EIF4G3: variants seen among roughly 807,000 people sequenced by gnomAD.
The protein encoded by EIF4G3 is eIF-4-gamma 3.
In EIF4G3, 34 loss-of-function variants were observed where a neutral mutation model predicts 186.4. The observed-to-expected ratio is 0.18, with a 90% CI of 0.14 to 0.24. EIF4G3 has a LOEUF of 0.24. EIF4G3 is among the 10% of genes least tolerant of loss of function. EIF4G3 has a pLI of 1.00. For synonymous variants in EIF4G3, 673 were observed against 679.5 expected, an observed-to-expected ratio of 0.99 and a Z score of 0.15; for missense variants, 1,536 against 1,948.5, an observed-to-expected ratio of 0.79 and a Z score of 3.99.
intron 4 of EIF4G3, among the ~76,000 whole-genome samples, chr1:21,040,469 T>C (rs1571512417): frequency 6.6e-6 from 1 of 152,142 alleles, no homozygotes; most frequent in Non-Finnish European, 1.5e-5. Flanking sequence ...CCAGCAAATT[T>C]ATCAAACCCA....
intron 14 of EIF4G3, among the ~76,000 whole-genome samples, chr1:20,906,228 G>A (rs1307800997): frequency 6.6e-6 from 1 of 152,064 alleles, no homozygotes; most frequent in Non-Finnish European, 1.5e-5. Flanking sequence ...CCATGGGTGG[G>A]TTTAAATTTG....
intron 7 of EIF4G3, among the ~76,000 whole-genome samples, chr1:20,996,093 T>C (rs2082232248): frequency 6.6e-6 from 1 of 152,188 alleles, no homozygotes; most frequent in South Asian, 2.1e-4. Context: ...CATAAGAAAC[T>C]AATATTTTTA....
chr1:21,075,676 A>G (rs1245217717), intron 3 of EIF4G3, among the ~76,000 whole-genome samples: 1 of 151,136 alleles, frequency 6.6e-6, no homozygotes, highest in East Asian at 1.9e-4. Context: ...AGTAGTAGCT[A>G]TACTACTCCT....
chr1:21,100,061 G>A (rs999074797), intron 2 of EIF4G3, among the ~76,000 whole-genome samples: 5 of 152,092 alleles, frequency 3.3e-5, no homozygotes, highest in African/African-American at 9.7e-5. Context: ...TGTACATTAC[G>A]GATAAACCTT....
intron 30 of EIF4G3, among the ~76,000 whole-genome samples, chr1:20,840,356 G>C (rs1296339862): frequency 6.6e-6 from 1 of 152,154 alleles, no homozygotes; most frequent in African/African-American, 2.4e-5. Context: ...ACCTGAAATA[G>C]ACTAAATCAT....
rs891961486 is a variant in EIF4G3, at chr1:20,892,780, T to C, written c.2253+737A>G. 284 of 1,282,628 alleles carry C rather than the reference T, an allele frequency of 2.2e-4. 3 individuals are homozygous for C. Among genetic ancestry groups the C allele is most frequent in the South Asian group, 8.3e-4 (63 of 75,942 alleles). The allele number at this position is 1,282,628 out of a possible 1,614,324, so 79.5% of individuals were successfully genotyped here. On this transcript the variant is annotated intron_variant, in intron 18 of 36. Transcript: ENST00000602326. ...ATCATTAGCTGAATGTCATCAGAGA[T>C]CTCCAGTATTTTAGGACACCTCAAA...
At chr1:21,002,844 A>T in intron 4 of EIF4G3, 36 bp from the exon 5 acceptor site, 1 of 1,221,708 alleles carries the variant, frequency 8.2e-7, no homozygotes, top group Non-Finnish European at 1.2e-6. Context: ...TAATATTTTG[A>T]AAAAATATGG....
Position 21,109,414 on chromosome 1 carries a change from G to C in EIF4G3, c.-271-20201C>G, listed in dbSNP as rs150868687. On this transcript the variant is annotated intron_variant, in intron 2 of 36. Coordinates refer to ENST00000602326, the MANE Select transcript of EIF4G3 (RefSeq NM_001391906.1). ...AATCCTAACACTTTGGGAGGCTGAAGCAGGAGGATCGCTTGAGCCCAGGAG... is the reference window on the plus strand; with the variant it reads ...AATCCTAACACTTTGGGAGGCTGAACCAGGAGGATCGCTTGAGCCCAGGAG... Among the ~76,000 whole-genome samples the C allele has an allele frequency of 6.9e-3, 1,044 of 152,302 alleles. 13 individuals are homozygous for C. Among genetic ancestry groups the C allele is most frequent in the African/African-American group, 0.023 (962 of 41,564 alleles).
At position 21,165,498 on chromosome 1, in the gene EIF4G3, T is replaced by C. The variant is rs144403145; in HGVS notation, c.-272+10677A>G. On this transcript the variant is annotated intron_variant, in intron 2 of 36. Coordinates refer to ENST00000602326, the MANE Select transcript of EIF4G3 (RefSeq NM_001391906.1). ...ATGTCCATGGTACATGGAATATTACTCAATAATTTTAAAAATGAAGTGCTA... is the reference window on the plus strand; with the variant it reads ...ATGTCCATGGTACATGGAATATTACCCAATAATTTTAAAAATGAAGTGCTA... 5.5e-3 allele frequency among the ~76,000 whole-genome samples: 838 copies of C among 152,296 alleles called. 8 individuals carry two copies. The highest frequency in any genetic ancestry group is 0.019 in the African/African-American group (807 of 41,566).
intron 19 of EIF4G3, among the ~76,000 whole-genome samples, chr1:20,883,081 CA>C (rs397862225): frequency 0.043 from 4,310 of 100,954 alleles, 71 homozygotes; most frequent in Middle Eastern, 0.077. Flanking sequence ...AACCCTGTCT[CA>C]AAAAAAAAAA....
At chr1:20,939,687 T>C (rs1053826975) in intron 14 of EIF4G3, among the ~76,000 whole-genome samples, 1 of 152,180 alleles carries the variant, frequency 6.6e-6, no homozygotes, top group Non-Finnish European at 1.5e-5. Context: ...TTTTACATTT[T>C]AAAAACATTT....
At chr1:20,827,185 T>C (rs914734383) in intron 32 of EIF4G3, among the ~76,000 whole-genome samples, 4 of 152,168 alleles carry the variant, frequency 2.6e-5, no homozygotes, top group Non-Finnish European at 5.9e-5. Context: ...TCCCCAAACC[T>C]CTTAGACTTC....
chr1:20,882,207 ACACACAC>A (rs760317751), intron 19 of EIF4G3, among the ~76,000 whole-genome samples: 51,535 of 149,126 alleles, frequency 0.35, 9,666 homozygotes, highest in Middle Eastern at 0.46. Context: ...ACACACACAC[ACACACAC>A]AAAATCATTT....
chr1:21,162,448 TA>T (rs149741247), intron 2 of EIF4G3, among the ~76,000 whole-genome samples: 160 of 125,160 alleles, frequency 1.3e-3, no homozygotes, highest in East Asian at 3.3e-3. Flanking sequence ...GACATCATCT[TA>T]AAAAAAAAAA....
intron 18 of EIF4G3, 178 bp downstream of exon 18, chr1:20,893,339 A>C (rs2086781358): frequency 3.3e-6 from 2 of 599,340 alleles, no homozygotes; most frequent in Admixed American, 8.1e-5. Flanking sequence ...CCAAGTAAAA[A>C]GAACTCAAGT....
At chr1:21,036,592 T>C (rs955860742) in intron 4 of EIF4G3, among the ~76,000 whole-genome samples, 1 of 152,164 alleles carries the variant, frequency 6.6e-6, no homozygotes, top group Non-Finnish European at 1.5e-5. Flanking sequence ...TAAATGCTTA[T>C]TTGTGGGCTG....
At position 20,980,442 on chromosome 1, in the gene EIF4G3, G is replaced by T; in HGVS notation, c.385C>A (p.His129Asn). 6.5e-7 allele frequency: 1 copy of T among 1,546,476 alleles called. No homozygotes were observed. Among genetic ancestry groups the T allele is most frequent in the South Asian group, 1.2e-5 (1 of 81,622 alleles). ...GPQYCIPQYR[H>N]SGPPYVGPPQ... ...GGCCCAACATAAGGAGGGCCACTAT[G>T]ACGGTACTAGAAAAGAGAAAGTATG... The change falls in exon 10 of 37, where the codon CAT becomes AAT. Residue 129 changes from histidine (H) to asparagine (N), a missense_variant. Transcript: ENST00000602326.
At chr1:21,036,941 C>G (rs2093257202) in intron 4 of EIF4G3, among the ~76,000 whole-genome samples, 2 of 152,208 alleles carry the variant, frequency 1.3e-5, no homozygotes, top group African/African-American at 4.8e-5. Context: ...TCATACTAAA[C>G]AATGAGATCA....
At chr1:21,020,722 T>C (rs79484271) in intron 4 of EIF4G3, among the ~76,000 whole-genome samples, 4,706 of 152,290 alleles carry the variant, frequency 0.031, 126 homozygotes, top group Non-Finnish European at 0.046. Flanking sequence ...TTTTAAAATA[T>C]AAATCCCATT....
Sources: allele counts gnomAD v4.1 joint callset (sites outside exome capture counted in the v4.1 genomes callset), GRCh38; gene constraint gnomAD v4.1.1; transcripts MANE v1.5; gene names NCBI Gene and HGNC (gene_info 2026-07-23, HGNC 2026-07-21).